The following CHD9 variants were observed in gnomAD, a reference collection of about 807,000 sequenced individuals.
The protein encoded by CHD9 is chromodomain helicase DNA binding protein 9, also known as ATP-dependent chromatin remodeler CHD9.
A neutral mutation model predicts 316.1 loss-of-function variants in CHD9; 77 were observed. That is an observed-to-expected ratio of 0.24 (90% CI 0.20 to 0.29). The LOEUF is 0.29. CHD9 is among the 10% of genes least tolerant of loss of function. The pLI, the probability that CHD9 is intolerant of heterozygous loss-of-function variation, is 1.00. For synonymous variants in CHD9, 1,129 were observed against 1,158.3 expected (o/e 0.97, Z 0.51); for missense variants, 2,763 against 3,438.1 (o/e 0.80, Z 4.91).
At chr16:53,079,504 C>A (rs1418568928) in intron 1 of CHD9, among the ~76,000 whole-genome samples, 1 of 152,192 alleles carries the variant, frequency 6.6e-6, no homozygotes, top group South Asian at 2.1e-4. Context: ...TGGTACACAG[C>A]TCCTACATCC....
Position 53,082,191 on chromosome 16 carries a change from AG to A in CHD9, c.-165+27116del, listed in dbSNP as rs1004893435. Among the ~76,000 whole-genome samples, 179 of 151,296 alleles carry A rather than the reference AG, an allele frequency of 1.2e-3. 1 individual carries two copies. The highest frequency in any genetic ancestry group is 4.1e-3 in the African/African-American group (170 of 41,190). On this transcript the variant is annotated intron_variant, in intron 1 of 38. Coordinates refer to ENST00000447540, the MANE Select transcript of CHD9 (RefSeq NM_001308319.2). ...CCTGTATTCTAAGTATCTTAAGGAC[AG>A]GAGAACATTTTATTTATTTATTTAT... is the stretch of plus-strand genomic sequence containing the variant.
rs991065954 is a variant in CHD9 at position 53,098,213 on chromosome 16, C to T, written c.-165+43136C>T. 6.9e-5 allele frequency among the ~76,000 whole-genome samples: 10 copies of T among 143,968 alleles called. No individual in the cohort carries two copies. The South Asian group carries it at 1.6e-3, about 23-fold the overall frequency. The allele number at this position is 143,968 out of a possible 152,430, so 94.4% of individuals were successfully genotyped here. A position where few individuals can be genotyped will look rare whatever the true frequency, so the allele number is the denominator to read the frequency against. On this transcript the variant is annotated intron_variant, in intron 1 of 38. Transcript: ENST00000447540. ...GGAGGCAGACAGGCGTGGTGGCTTA[C>T]GCCTGTAATCCCAGCACTTTGGGAG...
At chr16:53,255,350 G>C (rs907150465) in intron 18 of CHD9, among the ~76,000 whole-genome samples, 1 of 152,064 alleles carries the variant, frequency 6.6e-6, no homozygotes, top group African/African-American at 2.4e-5. Context: ...AACCTTGAAA[G>C]ATGTTACCCA....
At position 53,213,903 on chromosome 16, in the gene CHD9, T is replaced by C. The variant is rs377765357; in HGVS notation, c.1784+4090T>C. Reference sequence around the variant, plus strand: ...CCTTTATGATTAAACTCTTCCTTTTTGTATTAACCATAATTATCCTTTGTA... The same window carrying C: ...CCTTTATGATTAAACTCTTCCTTTTCGTATTAACCATAATTATCCTTTGTA... On this transcript the variant is annotated intron_variant, in intron 3 of 38. Transcript: ENST00000447540. 4.0e-3 allele frequency among the ~76,000 whole-genome samples: 610 copies of C among 152,292 alleles called. 4 individuals are homozygous for C. The highest frequency in any genetic ancestry group is 0.014 in the African/African-American group (584 of 41,574).
At chr16:53,115,387 A>T (rs567607799) in intron 1 of CHD9, among the ~76,000 whole-genome samples, 3 of 152,358 alleles carry the variant, frequency 2.0e-5, no homozygotes, top group African/African-American at 7.2e-5. Flanking sequence ...ATCACCCCTA[A>T]GTCTGAGCAG....
intron 2 of CHD9, among the ~76,000 whole-genome samples, chr16:53,179,625 A>G (rs2043340831): frequency 6.6e-6 from 1 of 152,148 alleles, no homozygotes; most frequent in African/African-American, 2.4e-5. Context: ...AGCCAGGCAC[A>G]GTGGCTCAAG....
chr16:53,297,139 T>C lies in CHD9; in HGVS notation c.5694T>C (p.Cys1898=). 8 of 1,613,382 alleles carry C rather than the reference T, an allele frequency of 5.0e-6. No homozygotes were observed. Among genetic ancestry groups the C allele is most frequent in the Non-Finnish European group, 6.8e-6 (8 of 1,179,462 alleles). The change falls in exon 30 of 39, where the codon TGT becomes TGC. Residue 1898 remains cysteine, a synonymous_variant. Coordinates refer to ENST00000447540, the MANE Select transcript of CHD9 (RefSeq NM_001308319.2). ...YAFMSMCRRV[C]RLPSKEELVD... ...TCATGTCCATGTGTCGGAGGGTTTGTCGTCTTCCTTCCAAAGAAGGTATGT... is the reference window on the plus strand; with the variant it reads ...TCATGTCCATGTGTCGGAGGGTTTGCCGTCTTCCTTCCAAAGAAGGTATGT...
chr16:53,284,850 C>T (rs192488068), intron 24 of CHD9, among the ~76,000 whole-genome samples: 12 of 152,272 alleles, frequency 7.9e-5, no homozygotes, highest in Admixed American at 5.9e-4. Context: ...GCTGTCACCC[C>T]AACTTCCCAG....
intron 1 of CHD9, among the ~76,000 whole-genome samples, chr16:53,124,492 T>C (rs546114304): frequency 1.4e-5 from 2 of 144,064 alleles, no homozygotes; most frequent in African/African-American, 2.8e-5. Context: ...TTTTTTTTTT[T>C]TTGGAGAAGG....
chr16:53,314,535 A>G lies in CHD9; in HGVS notation c.7362+19A>G. ...TAATCATGTAAGTAAAGCAGTACTT[A>G]AAAACTGATCCTTGAATTCAAAATT... On this transcript the variant is annotated intron_variant, in intron 35 of 38. Coordinates refer to ENST00000447540, the MANE Select transcript of CHD9 (RefSeq NM_001308319.2). The G allele has an allele frequency of 1.3e-6, 2 of 1,529,724 alleles. No homozygotes were observed. The highest frequency in any genetic ancestry group is 4.7e-5 in the East Asian group (2 of 42,186). The allele number at this position is 1,529,724 out of a possible 1,614,324, so 94.8% of individuals were successfully genotyped here.
chr16:53,124,658 T>C (rs2038891359), intron 1 of CHD9, among the ~76,000 whole-genome samples: 2 of 151,910 alleles, frequency 1.3e-5, no homozygotes, highest in Non-Finnish European at 2.9e-5. Context: ...TTTGTATTTT[T>C]AGTAGAGATG....
At chr16:53,196,846 C>CT (rs903408984) in intron 2 of CHD9, among the ~76,000 whole-genome samples, 4 of 152,132 alleles carry the variant, frequency 2.6e-5, no homozygotes, top group Admixed American at 2.0e-4. Flanking sequence ...TCCAGTGAAA[C>CT]TAAGTTTTGT....
chr16:53,084,340 C>T (rs2035279201), intron 1 of CHD9, among the ~76,000 whole-genome samples: 2 of 152,084 alleles, frequency 1.3e-5, no homozygotes, highest in South Asian at 4.1e-4. Flanking sequence ...GAAAACTTGC[C>T]CTACCCAAAG....
intron 1 of CHD9, among the ~76,000 whole-genome samples, chr16:53,108,735 C>T (rs1020630750): frequency 2.0e-5 from 3 of 151,284 alleles, no homozygotes; most frequent in African/African-American, 7.3e-5. Context: ...ATTAGCCAGG[C>T]ATGGTGGTGG....
At chr16:53,058,723 A>G (rs1420419749) in intron 1 of CHD9, among the ~76,000 whole-genome samples, 2 of 152,142 alleles carry the variant, frequency 1.3e-5, no homozygotes, top group Non-Finnish European at 2.9e-5. Flanking sequence ...GATGAAATTG[A>G]CGTTCCATGC....
At position 53,240,204 on chromosome 16, in the gene CHD9, G is replaced by A. The variant is rs555588270; in HGVS notation, c.2877+1618G>A. Among the ~76,000 whole-genome samples, 12 of 152,232 alleles carry A rather than the reference G, an allele frequency of 7.9e-5. No homozygotes were observed. The South Asian group carries it at 2.3e-3, about 29-fold the overall frequency. ...TTACAGGCAGGAGCCACTGCACCTG[G>A]TCTAGTGTTTCATTATTCTTACTCG... On this transcript the variant is annotated intron_variant, in intron 12 of 38. Transcript: ENST00000447540.
At chr16:53,099,769 C>G (rs2036684592) in intron 1 of CHD9, among the ~76,000 whole-genome samples, 1 of 152,236 alleles carries the variant, frequency 6.6e-6, no homozygotes, top group South Asian at 2.1e-4. Context: ...TCCGTTCTCT[C>G]CATGACAGCA....
chr16:53,219,021 G>A (rs1435122873), intron 3 of CHD9, among the ~76,000 whole-genome samples: 1 of 152,120 alleles, frequency 6.6e-6, no homozygotes, highest in Non-Finnish European at 1.5e-5. Context: ...ACCCTTAGGA[G>A]GCGGTTCGTA....
At chr16:53,228,729 C>T (rs2047899242) in intron 7 of CHD9, among the ~76,000 whole-genome samples, 1 of 152,024 alleles carries the variant, frequency 6.6e-6, no homozygotes, top group African/African-American at 2.4e-5. Flanking sequence ...TCGTATCTTG[C>T]AATTAGACTT....
Sources: allele counts gnomAD v4.1 joint callset (sites outside exome capture counted in the v4.1 genomes callset), GRCh38; gene constraint gnomAD v4.1.1; transcripts MANE v1.5; gene names NCBI Gene and HGNC (gene_info 2026-07-23, HGNC 2026-07-21).